NUP214: variants seen among roughly 807,000 people sequenced by gnomAD.
NUP214 encodes the protein nucleoporin 214, also known as nuclear pore complex protein Nup214.
NUP214 carries 79 observed loss-of-function variants against 196.2 expected under a neutral mutation model. The observed-to-expected ratio is 0.40, with a 90% confidence interval of 0.34 to 0.49. The LOEUF is 0.49. NUP214 is among the 20% of genes least tolerant of loss of function. NUP214 has a pLI of 0.58. For missense variants in NUP214, 2,468 were observed against 2,539.0 expected, an observed-to-expected ratio of 0.97 and a Z score of 0.60; for synonymous variants, 1,020 against 990.5, an observed-to-expected ratio of 1.03 and a Z score of -0.56.
intron 22 of NUP214, 131 bp downstream of exon 22, chr9:131,174,449 T>TTC: frequency 2.0e-6 from 1 of 512,670 alleles, no homozygotes; most frequent in Non-Finnish European, 3.0e-6. Context: ...TTTTTTTTCT[T>TTC]TTTTTCTTTT....
Position 131,216,468 on chromosome 9 carries a change from C to T in NUP214, c.5749+1100C>T, listed in dbSNP as rs185609687. Reference sequence around the variant, plus strand: ...GTCTCGATCTCCTGACCTCATGATCCGCCTGCCTTGGCCTCCCAAAGTGCT... The same window carrying T: ...GTCTCGATCTCCTGACCTCATGATCTGCCTGCCTTGGCCTCCCAAAGTGCT... On this transcript the variant is annotated intron_variant, in intron 31 of 35. Coordinates refer to ENST00000359428, the MANE Select transcript of NUP214 (RefSeq NM_005085.4). Among the ~76,000 whole-genome samples the T allele has an allele frequency of 2.7e-4, 40 of 149,956 alleles. 1 individual carries two copies. In the East Asian group the frequency reaches 3.9e-3, roughly 15 times the overall value.
In NUP214 at chr9:131,223,733, T is replaced by TATTTA. The variant is rs1386712070; in HGVS notation, c.5902+803_5902+804insATTTA. On this transcript the variant is annotated intron_variant, in intron 32 of 35. Transcript: ENST00000359428. The stretch of plus-strand genomic sequence containing the variant: ...TATTTTTATTTATTTATTTATTTTT[T>TATTTA]TTTTTTTTTTTTTTTTTTTGAGACG... Among the ~76,000 whole-genome samples, 6 of 31,766 alleles carry TATTTA rather than the reference T, an allele frequency of 1.9e-4. No individual in the cohort carries two copies. The East Asian group carries it at 4.4e-3, about 23-fold the overall frequency. 20.8% of individuals were successfully genotyped at this position (31,766 alleles called of 152,430 possible). A position where few individuals can be genotyped will look rare whatever the true frequency, so the allele number is the denominator to read the frequency against.
intron 1 of NUP214, 53 bp from the exon 2 acceptor site, chr9:131,127,469 CAT>C (rs1335582758): frequency 2.8e-6 from 4 of 1,420,630 alleles, no homozygotes; most frequent in East Asian, 2.3e-5. Flanking sequence ...CTGAATATAA[CAT>C]GTTTTAATTT....
At chr9:131,151,562 A>G (rs1402356597) in intron 16 of NUP214, among the ~76,000 whole-genome samples, 174 bp from the exon 17 acceptor site, 1 of 152,256 alleles carries the variant, frequency 6.6e-6, no homozygotes, top group East Asian at 1.9e-4. Flanking sequence ...TAAATATAAA[A>G]AAAGAACATT....
intron 14 of NUP214, among the ~76,000 whole-genome samples, chr9:131,148,801 CACAT>C (rs1437335741): frequency 6.6e-6 from 1 of 152,132 alleles, no homozygotes; most frequent in East Asian, 1.9e-4. Context: ...CACACGCACA[CACAT>C]ACAGTGCAAA....
chr9:131,162,903 T>TA (rs1832682289), intron 18 of NUP214, 88 bp from the exon 19 acceptor site: 1 of 1,229,494 alleles, frequency 8.1e-7, no homozygotes, highest in Non-Finnish European at 1.2e-6. Flanking sequence ...TTTTCACTGT[T>TA]ACCATTGTAG....
rs1588127479 is a variant in NUP214 at position 131,140,691 on chromosome 9, G to A, written c.1275G>A (p.Glu425=). ...CAGAGCGACTTTCATTAGAAGGAGA[G>A]CGACAGCCCAAGTCACCAGGTATGT... ...KTPERLSLEG[E]RQPKSPGSTP... Residue 425 remains glutamate (E), a synonymous_variant, in exon 11 of 36, where the codon GAG becomes GAA. Transcript: ENST00000359428. The A allele has an allele frequency of 2.5e-6, 4 of 1,613,770 alleles. No homozygotes were observed. Among genetic ancestry groups the A allele is most frequent in the East Asian group, 2.2e-5 (1 of 44,886 alleles).
chr9:131,187,869 G>C (rs1273000869), intron 25 of NUP214, among the ~76,000 whole-genome samples: 1 of 152,178 alleles, frequency 6.6e-6, no homozygotes, highest in African/African-American at 2.4e-5. Flanking sequence ...ACCTGATACT[G>C]TCTTCATAGG....
At chr9:131,128,634 A>G (rs761036131) in intron 3 of NUP214, 151 bp downstream of exon 3, 1 of 605,120 alleles carries the variant, frequency 1.7e-6, no homozygotes, top group Non-Finnish European at 2.6e-6. Context: ...TTATAGAATC[A>G]TAGATCTTTG....
chr9:131,160,484 A>C (rs369463398), intron 18 of NUP214, among the ~76,000 whole-genome samples: 1 of 152,250 alleles, frequency 6.6e-6, no homozygotes, highest in East Asian at 1.9e-4. Flanking sequence ...GTTTTAAGCC[A>C]CATATTTTCC....
At chr9:131,223,011 G>T in intron 32 of NUP214, 81 bp downstream of exon 32, 1 of 1,405,430 alleles carries the variant, frequency 7.1e-7, no homozygotes, top group Non-Finnish European at 9.7e-7. Flanking sequence ...GACATCTCTA[G>T]GGTGGTTATC....
rs780427669 is a variant in NUP214, at chr9:131,159,486, G to A, written c.2540G>A (p.Arg847Lys). The change falls in exon 18 of 36, where the codon AGG becomes AAG. Residue 847 changes from arginine (R) to lysine (K), a missense_variant and splice_region_variant. Physicochemically the swap from Arg to Lys is conservative, Grantham distance 26 (BLOSUM62 2). Coordinates refer to ENST00000359428, the MANE Select transcript of NUP214 (RefSeq NM_005085.4). ...CATCTGGAACAAAAGAAAAAACAAA[G>A]GTGAATGAGATCTCTCATCTGCAAT... ...DQHLEQKKKQ[R>K]HLLVPERETL... 1.2e-6 allele frequency: 2 copies of A among 1,603,442 alleles called. No individual in the cohort carries two copies. The highest frequency in any genetic ancestry group is 1.7e-6 in the Non-Finnish European group (2 of 1,170,504).
intron 32 of NUP214, 110 bp from the exon 33 acceptor site, chr9:131,228,050 T>G (rs1235194945): frequency 1.3e-5 from 14 of 1,092,374 alleles, no homozygotes; most frequent in East Asian, 5.9e-5. Context: ...CATCCTCTTT[T>G]CCCTTTTTTC....
intron 18 of NUP214, among the ~76,000 whole-genome samples, chr9:131,161,916 A>G (rs1202015969): frequency 6.6e-6 from 1 of 152,210 alleles, no homozygotes; most frequent in African/African-American, 2.4e-5. Context: ...AAGCTTGTCC[A>G]ACCCACGGCC....
At chr9:131,229,235 C>CCGTGCAAGATGCTGGAGCGCAG (rs1255913732) in intron 33 of NUP214, 1 of 157,458 alleles carries the variant, frequency 6.4e-6, no homozygotes, top group Non-Finnish European at 1.4e-5. Context: ...CCCTTCCCCT[C>CCGTGCAAGATGCTGGAGCGCAG]CGTGCAAGAT....
At chr9:131,224,851 G>A (rs1834680287) in intron 32 of NUP214, among the ~76,000 whole-genome samples, 1 of 152,220 alleles carries the variant, frequency 6.6e-6, no homozygotes, top group African/African-American at 2.4e-5. Context: ...CATTTCAACT[G>A]GGGAATTTTA....
In NUP214 at chr9:131,234,069, T is replaced by A. The variant is rs548625826; in HGVS notation, c.*582T>A. The A allele has an allele frequency of 1.2e-4, 31 of 254,382 alleles. No homozygotes were observed. The East Asian group carries it at 1.6e-3, about 13-fold the overall frequency. The allele number at this position is 254,382 out of a possible 1,614,324, so 15.8% of individuals were successfully genotyped here. A position where few individuals can be genotyped will look rare whatever the true frequency, so the allele number is the denominator to read the frequency against. On this transcript the variant is annotated 3_prime_UTR_variant, in exon 36 of 36. Coordinates refer to ENST00000359428, the MANE Select transcript of NUP214 (RefSeq NM_005085.4). The stretch of plus-strand genomic sequence containing the variant: ...AGCAGTTGAGTTTCAGAAGCAGCCA[T>A]AGCGCTTTTCAGTACAGTACAATAG...
chr9:131,183,081 A>G (rs1833333222), intron 24 of NUP214, among the ~76,000 whole-genome samples: 1 of 152,152 alleles, frequency 6.6e-6, no homozygotes, highest in East Asian at 1.9e-4. Flanking sequence ...ACAGTTGACT[A>G]TCTTTCCTCC....
intron 27 of NUP214, chr9:131,193,922 A>T (rs1312428219): frequency 1.3e-5 from 2 of 151,184 alleles, no homozygotes; most frequent in Admixed American, 1.3e-4. Flanking sequence ...AAGTGCTGGG[A>T]TTGTAGGCAC....
Sources: gnomAD v4.1 joint callset for allele counts (sites outside exome capture counted in the v4.1 genomes callset) on GRCh38, gnomAD v4.1.1 for gene constraint, MANE v1.5 for transcripts, NCBI Gene and HGNC (gene_info 2026-07-23, HGNC 2026-07-21) for gene names.